The following SPON1 variants were observed in gnomAD, a reference collection of about 807,000 sequenced individuals.
SPON1 encodes spondin-1.
SPON1 carries 52 observed loss-of-function variants against 111.7 expected under a neutral mutation model. That is an observed-to-expected ratio of 0.47 (90% CI 0.37 to 0.59). SPON1 has a LOEUF of 0.59. SPON1 is among the 20% of genes least tolerant of loss of function. The pLI, the probability that SPON1 is intolerant of heterozygous loss-of-function variation, is 0.00. For missense variants in SPON1, 957 were observed against 1,068.5 expected, an observed-to-expected ratio of 0.90 and a Z score of 1.46; for synonymous variants, 410 against 395.8, an observed-to-expected ratio of 1.04 and a Z score of -0.43.
intron 2 of SPON1, among the ~76,000 whole-genome samples, chr11:14,011,272 T>C (rs1187495950): frequency 6.6e-6 from 1 of 152,142 alleles, no homozygotes; most frequent in Non-Finnish European, 1.5e-5. Context: ...TTTTAGCAAA[T>C]TTTAGGCTTT....
intron 2 of SPON1, among the ~76,000 whole-genome samples, chr11:14,029,609 A>G (rs1389270550): frequency 6.6e-6 from 1 of 152,152 alleles, no homozygotes; most frequent in Non-Finnish European, 1.5e-5. Flanking sequence ...TAGCAACGGG[A>G]GAGGCCAGGC....
chr11:13,974,608 C>A (rs1819084), intron 1 of SPON1, among the ~76,000 whole-genome samples: 35,333 of 152,084 alleles, frequency 0.23, 4,684 homozygotes, highest in East Asian at 0.44. Context: ...GGATTTGAGG[C>A]CAGGCTCTAG....
At chr11:14,016,057 T>C (rs1201967629) in intron 2 of SPON1, among the ~76,000 whole-genome samples, 2 of 152,230 alleles carry the variant, frequency 1.3e-5, no homozygotes, top group Non-Finnish European at 2.9e-5. Flanking sequence ...GATTAATTCT[T>C]TTATATTCAT....
chr11:14,227,466 T>G (rs1389434278), intron 6 of SPON1, among the ~76,000 whole-genome samples: 10 of 152,212 alleles, frequency 6.6e-5, no homozygotes, highest in African/African-American at 2.4e-4. Flanking sequence ...TTAAGCAAAT[T>G]TAACTCTGAC....
intron 6 of SPON1, among the ~76,000 whole-genome samples, chr11:14,158,445 G>T (rs1847874047): frequency 6.6e-6 from 1 of 152,158 alleles, no homozygotes; most frequent in Admixed American, 6.6e-5. Flanking sequence ...AGAAACAGCA[G>T]TGCCAAACAT....
intron 6 of SPON1, among the ~76,000 whole-genome samples, chr11:14,170,613 T>C (rs1848086802): frequency 6.6e-6 from 1 of 151,948 alleles, no homozygotes; most frequent in African/African-American, 2.4e-5. Flanking sequence ...GTCCATTCAG[T>C]ATGATATTGG....
chr11:14,134,789 C>T (rs184760760), intron 5 of SPON1, among the ~76,000 whole-genome samples: 1 of 152,322 alleles, frequency 6.6e-6, no homozygotes, highest in Non-Finnish European at 1.5e-5. Context: ...TCTGCCAGAA[C>T]CCTTCAGTGG....
intron 1 of SPON1, among the ~76,000 whole-genome samples, chr11:13,969,851 A>C (rs552198841): frequency 3.5e-4 from 54 of 152,218 alleles, no homozygotes; most frequent in Non-Finnish European, 6.5e-4. Context: ...TCCCTCCAGC[A>C]TTGGAAGAGA....
At chr11:14,173,166 A>G (rs958189286) in intron 6 of SPON1, among the ~76,000 whole-genome samples, 12 of 151,832 alleles carry the variant, frequency 7.9e-5, no homozygotes, top group South Asian at 2.1e-4. Flanking sequence ...ACACAGTCCC[A>G]TATTTCTTGG....
At chr11:14,024,562 A>C (rs980461441) in intron 2 of SPON1, among the ~76,000 whole-genome samples, 1 of 152,168 alleles carries the variant, frequency 6.6e-6, no homozygotes, top group South Asian at 2.1e-4. Context: ...CTGGTCTGCC[A>C]GTGTCTGCTG....
chr11:14,255,865 G>A, intron 9 of SPON1, 78 bp downstream of exon 9: 2 of 1,451,790 alleles, frequency 1.4e-6, no homozygotes, highest in Admixed American at 2.2e-5. Flanking sequence ...TTCTGCTCTA[G>A]AATCATAGAG....
intron 6 of SPON1, among the ~76,000 whole-genome samples, chr11:14,202,375 T>C (rs192077425): frequency 6.6e-6 from 1 of 152,316 alleles, no homozygotes; most frequent in East Asian, 1.9e-4. Context: ...GTATGCAGCT[T>C]CTGTGAACAC....
chr11:14,223,734 C>T (rs1554937829), intron 6 of SPON1, among the ~76,000 whole-genome samples: 1 of 152,222 alleles, frequency 6.6e-6, no homozygotes, highest in African/African-American at 2.4e-5. Flanking sequence ...AGACCCTGGA[C>T]ATAGTTTTCT....
At chr11:14,263,926 G>A (rs1554942178) in intron 15 of SPON1, among the ~76,000 whole-genome samples, 1 of 151,982 alleles carries the variant, frequency 6.6e-6, no homozygotes, top group African/African-American at 2.4e-5. Flanking sequence ...CTACTCAGGA[G>A]GCTGAAGCAG....
At chr11:14,202,612 A>G (rs1554935758) in intron 6 of SPON1, among the ~76,000 whole-genome samples, 1 of 152,140 alleles carries the variant, frequency 6.6e-6, no homozygotes, top group African/African-American at 2.4e-5. Flanking sequence ...CCCCTCAGCT[A>G]ACCTGTTCGT....
At chr11:14,134,201 A>G (rs1554927805) in intron 5 of SPON1, among the ~76,000 whole-genome samples, 3 of 152,196 alleles carry the variant, frequency 2.0e-5, no homozygotes, top group Non-Finnish European at 4.4e-5. Context: ...AATGTTATTT[A>G]ACTTGAGACT....
intron 6 of SPON1, among the ~76,000 whole-genome samples, chr11:14,149,857 C>T (rs1456191113): frequency 1.3e-5 from 2 of 152,112 alleles, no homozygotes; most frequent in Non-Finnish European, 2.9e-5. Context: ...GATGTTTGCA[C>T]AATGAAGAAA....
intron 6 of SPON1, among the ~76,000 whole-genome samples, chr11:14,173,187 C>G (rs1276783930): frequency 6.6e-6 from 1 of 151,840 alleles, no homozygotes; most frequent in South Asian, 2.1e-4. Flanking sequence ...AGGGTTTGTT[C>G]GTTTCTTTTT....
Position 14,266,974 on chromosome 11 carries a change from G to A in SPON1, c.*1287G>A, listed in dbSNP as rs1268683220. On this transcript the variant is annotated 3_prime_UTR_variant, in exon 16 of 16. Transcript: ENST00000576479. ...TGTAAAAGGACATTTTCTCAGTTGG[G>A]TCCATCAGCAGTTTTTCTTCCTGCA... 1 of 152,138 alleles carries A rather than the reference G, an allele frequency of 6.6e-6. No individual in the cohort carries two copies. The highest frequency in any genetic ancestry group is 1.5e-5 in the Non-Finnish European group (1 of 68,024). The allele number at this position is 152,138 out of a possible 1,614,324, so 9.4% of individuals were successfully genotyped here.
Sources: gnomAD v4.1 joint callset for allele counts (sites outside exome capture counted in the v4.1 genomes callset) on GRCh38, gnomAD v4.1.1 for gene constraint, MANE v1.5 for transcripts, NCBI Gene and HGNC (gene_info 2026-07-23, HGNC 2026-07-21) for gene names.